Variants in EPHA6 observed in about 807,000 individuals in gnomAD.
The protein encoded by EPHA6 is EPH receptor A6.
Under a neutral mutation model 112.0 loss-of-function variants are expected in EPHA6, and 50 were observed. The observed-to-expected ratio is 0.45, with a 90% CI of 0.36 to 0.56. EPHA6 has a LOEUF of 0.56. EPHA6 is among the 20% of genes least tolerant of loss of function. The pLI is 0.00. For synonymous variants in EPHA6, 529 were observed against 490.7 expected (o/e 1.08, Z -1.03); for missense variants, 1,280 against 1,417.4 (o/e 0.90, Z 1.56).
rs539430002 is a variant in EPHA6, at chr3:96,848,925, G to A, written c.386-17900G>A. Among the ~76,000 whole-genome samples, 55 of 152,148 alleles carry A rather than the reference G, an allele frequency of 3.6e-4. No individual in the cohort carries two copies. The South Asian group carries it at 0.011, about 30-fold the overall frequency. ...CGAGGTTCAGTCATACAAAATTACA[G>A]TCATAGATGTAATTTGGCTTTTTGG... On this transcript the variant is annotated intron_variant, in intron 1 of 17. Transcript: ENST00000389672.
chr3:96,848,510 A>G (rs2035207747), intron 1 of EPHA6, among the ~76,000 whole-genome samples: 2 of 151,976 alleles, frequency 1.3e-5, no homozygotes, highest in South Asian at 4.1e-4. Context: ...CTGTAATCCT[A>G]GCTACTTGAG....
At chr3:96,874,858 G>C (rs1003717124) in intron 2 of EPHA6, among the ~76,000 whole-genome samples, 3 of 152,084 alleles carry the variant, frequency 2.0e-5, no homozygotes, top group Admixed American at 1.3e-4. Context: ...AGAAGGGTTA[G>C]AGTAGGGGGA....
intron 6 of EPHA6, among the ~76,000 whole-genome samples, chr3:97,431,001 TA>T (rs2089468755): frequency 6.6e-6 from 1 of 152,040 alleles, no homozygotes. Flanking sequence ...AAAACAACAA[TA>T]AAGAACATTG....
chr3:97,001,703 G>C (rs963074725), intron 3 of EPHA6, among the ~76,000 whole-genome samples: 1 of 151,960 alleles, frequency 6.6e-6, no homozygotes, highest in African/African-American at 2.4e-5. Flanking sequence ...ACAGGGAACT[G>C]TAGAGTAGTG....
intron 15 of EPHA6, among the ~76,000 whole-genome samples, chr3:97,728,835 A>G (rs2034900352): frequency 6.6e-6 from 1 of 152,172 alleles, no homozygotes; most frequent in Admixed American, 6.5e-5. Context: ...TTAAACTGTT[A>G]GCAACAAAGA....
intron 14 of EPHA6, among the ~76,000 whole-genome samples, chr3:97,673,614 T>C (rs1468426195): frequency 1.3e-5 from 2 of 152,162 alleles, no homozygotes; most frequent in Non-Finnish European, 2.9e-5. Flanking sequence ...TTACTGTAAT[T>C]TGAGGACAGC....
chr3:96,839,869 G>A (rs2107317761), intron 1 of EPHA6, among the ~76,000 whole-genome samples: 1 of 152,136 alleles, frequency 6.6e-6, no homozygotes, highest in African/African-American at 2.4e-5. Flanking sequence ...TTAGGGGAAG[G>A]ATGATTAAGT....
At chr3:96,926,785 G>T (rs1037091542) in intron 2 of EPHA6, among the ~76,000 whole-genome samples, 1 of 152,192 alleles carries the variant, frequency 6.6e-6, no homozygotes, top group African/African-American at 2.4e-5. Flanking sequence ...GCTTTGCAGG[G>T]TACAGCCCCC....
At chr3:96,988,190 T>G (rs2043089122) in intron 3 of EPHA6, among the ~76,000 whole-genome samples, 197 bp downstream of exon 3, 1 of 152,292 alleles carries the variant, frequency 6.6e-6, no homozygotes, top group East Asian at 1.9e-4. Flanking sequence ...AAATGACGAT[T>G]TATTAAAAGT....
chr3:97,062,202 G>C (rs565980774), intron 3 of EPHA6, among the ~76,000 whole-genome samples: 2 of 152,248 alleles, frequency 1.3e-5, no homozygotes, highest in African/African-American at 4.8e-5. Flanking sequence ...ATATCACATT[G>C]ATGGATGTAT....
intron 6 of EPHA6, among the ~76,000 whole-genome samples, chr3:97,412,914 T>C (rs71311320): frequency 0.024 from 3,636 of 152,122 alleles, 71 homozygotes; most frequent in Non-Finnish European, 0.037. Flanking sequence ...TGGTAAATTA[T>C]CAGAGATCAC....
intron 5 of EPHA6, 132 bp downstream of exon 5, chr3:97,244,419 G>C: frequency 1.4e-6 from 1 of 713,318 alleles, no homozygotes; most frequent in South Asian, 1.9e-5. Context: ...TAATGCACTG[G>C]TTGTTGTTCT....
At chr3:97,075,155 T>A (rs1250747574) in intron 3 of EPHA6, among the ~76,000 whole-genome samples, 1 of 151,972 alleles carries the variant, frequency 6.6e-6, no homozygotes, top group Non-Finnish European at 1.5e-5. Context: ...CTGAGAGGCT[T>A]AGGTTATACA....
intron 12 of EPHA6, among the ~76,000 whole-genome samples, chr3:97,595,474 T>G (rs1043292597): frequency 1.3e-5 from 2 of 151,992 alleles, no homozygotes; most frequent in African/African-American, 4.8e-5. Context: ...TGAGTCGCCA[T>G]CTCTACTAAA....
At chr3:97,180,935 G>A (rs552224322) in intron 3 of EPHA6, among the ~76,000 whole-genome samples, 9 of 151,518 alleles carry the variant, frequency 5.9e-5, no homozygotes, top group South Asian at 2.1e-4. Flanking sequence ...TTCAGCACTA[G>A]GACTCACCTA....
At chr3:97,260,258 G>T (rs551789268) in intron 5 of EPHA6, among the ~76,000 whole-genome samples, 96 of 152,266 alleles carry the variant, frequency 6.3e-4, no homozygotes, top group Admixed American at 6.5e-4. Context: ...ACAGAGTGTG[G>T]AGCCTTGGGA....
intron 14 of EPHA6, among the ~76,000 whole-genome samples, chr3:97,665,630 A>AT (rs1312383090): frequency 1.3e-5 from 2 of 152,200 alleles, no homozygotes; most frequent in African/African-American, 4.8e-5. Context: ...ACACAATTCC[A>AT]TAACTACCAA....
intron 9 of EPHA6, among the ~76,000 whole-genome samples, chr3:97,480,691 T>C (rs1490937396): frequency 3.3e-5 from 5 of 152,228 alleles, no homozygotes; most frequent in Non-Finnish European, 7.3e-5. Flanking sequence ...TTCCCCCTTT[T>C]CTATTTGACA....
chr3:97,411,038 G>A (rs754358965), intron 6 of EPHA6, among the ~76,000 whole-genome samples: 5 of 151,524 alleles, frequency 3.3e-5, no homozygotes, highest in Admixed American at 1.3e-4. Context: ...GTTTACAGTG[G>A]AATCAGCAAG....
Sources: gnomAD v4.1 joint callset for allele counts (sites outside exome capture counted in the v4.1 genomes callset) on GRCh38, gnomAD v4.1.1 for gene constraint, MANE v1.5 for transcripts, NCBI Gene and HGNC (gene_info 2026-07-23, HGNC 2026-07-21) for gene names.